Variants in PCDHGA5 observed in about 807,000 individuals in gnomAD.
PCDHGA5 encodes the protein protocadherin gamma-A5.
In PCDHGA5, 36 loss-of-function variants were observed where a neutral mutation model predicts 56.7. The ratio of observed to expected loss-of-function variants is 0.64; its 90% CI spans 0.49 to 0.84. The LOEUF (loss-of-function observed/expected upper bound fraction) is 0.84. PCDHGA5 is among the 40% of genes least tolerant of loss of function. PCDHGA5 has a pLI of 0.00. For missense variants in PCDHGA5, 1,305 were observed against 1,201.5 expected (o/e 1.09, Z -1.27); for synonymous variants, 563 against 520.2 (o/e 1.08, Z -1.12).
intron 1 of PCDHGA5, among the ~76,000 whole-genome samples, chr5:141,464,984 C>T (rs1345385418): frequency 1.3e-5 from 2 of 152,034 alleles, no homozygotes; most frequent in Non-Finnish European, 2.9e-5. Flanking sequence ...TCAAGTGATC[C>T]TCCCACCTCA....
At position 141,489,088 on chromosome 5, in the gene PCDHGA5, GAC is replaced by G; in HGVS notation, c.2422-5718_2422-5717del. 5.8e-6 allele frequency: 2 copies of G among 347,236 alleles called. No homozygotes were observed. The highest frequency in any genetic ancestry group is 4.7e-5 in the East Asian group (1 of 21,502). The allele number at this position is 347,236 out of a possible 1,614,324, so 21.5% of individuals were successfully genotyped here. A position where few individuals can be genotyped will look rare whatever the true frequency, so the allele number is the denominator to read the frequency against. ...CCCCTGCCCACCCCCGCCACTCGGT[GAC>G]TAAGAACTGCTGCAAGCAGGCAAAC... On this transcript the variant is annotated intron_variant, in intron 1 of 3. Transcript: ENST00000518069. The surrounding 1 kb of genome is among the most constrained non-coding windows in gnomAD (Gnocchi z 4.5).
intron 2 of PCDHGA5, among the ~76,000 whole-genome samples, chr5:141,502,253 T>C (rs1331834149): frequency 6.6e-6 from 1 of 152,232 alleles, no homozygotes; most frequent in South Asian, 2.1e-4. Context: ...TTTTTTTTAA[T>C]CCAGGATTTT....
intron 1 of PCDHGA5, among the ~76,000 whole-genome samples, chr5:141,438,252 G>A (rs1181991674): frequency 6.6e-6 from 1 of 152,072 alleles, no homozygotes. Context: ...AACTGTCATT[G>A]AAGAGACCAT....
At chr5:141,371,995 C>T in intron 1 of PCDHGA5, 2 of 1,613,264 alleles carry the variant, frequency 1.2e-6, no homozygotes, top group Non-Finnish European at 1.7e-6. Context: ...ACTCTGCAGG[C>T]CCGCGACCAG....
chr5:141,404,132 T>C, intron 1 of PCDHGA5: 1 of 1,613,136 alleles, frequency 6.2e-7, no homozygotes, highest in Non-Finnish European at 8.5e-7. Context: ...ATCTTTTACA[T>C]TAGAAAATTC....
At chr5:141,388,376 C>T in intron 1 of PCDHGA5, 3 of 1,613,944 alleles carry the variant, frequency 1.9e-6, no homozygotes, top group Non-Finnish European at 2.5e-6. Context: ...ATATTGGTAG[C>T]AACACACTGC....
intron 1 of PCDHGA5, chr5:141,374,870 G>T: frequency 6.2e-7 from 1 of 1,613,702 alleles, no homozygotes; most frequent in Non-Finnish European, 8.5e-7. Context: ...ACCAGTGTTG[G>T]CAGTGACTGC....
At position 141,431,213 on chromosome 5, in the gene PCDHGA5, T is replaced by A; in HGVS notation, c.2422-63594T>A. 6.2e-7 allele frequency: 1 copy of A among 1,614,142 alleles called. No individual in the cohort carries two copies. The highest frequency in any genetic ancestry group is 8.5e-7 in the Non-Finnish European group (1 of 1,180,038). On this transcript the variant is annotated intron_variant, in intron 1 of 3. Coordinates refer to ENST00000518069, the MANE Select transcript of PCDHGA5 (RefSeq NM_018918.3). The surrounding 1 kb of genome is among the most constrained non-coding windows in gnomAD (Gnocchi z 4.8). ...TGAAAATGCAGCCACTGAGATGCGG[T>A]TCCCTCTACCCCACGCCTGGGATCC...
In PCDHGA5 at chr5:141,476,651, T is replaced by C. The variant is rs1355056895; in HGVS notation, c.2422-18156T>C. On this transcript the variant is annotated intron_variant, in intron 1 of 3. Coordinates refer to ENST00000518069, the MANE Select transcript of PCDHGA5 (RefSeq NM_018918.3). This position sits in a 1 kb window ranked among gnomAD's most constrained non-coding sequence, Gnocchi z 7.6. ...AACCTATGAGCTGAGCCGAAATGAA[T>C]ACTTTGCGCTTCGCGTGCAGACGCG... is the stretch of plus-strand genomic sequence containing the variant. The C allele has an allele frequency of 3.7e-6, 6 of 1,614,118 alleles. No individual in the cohort carries two copies. Among genetic ancestry groups the C allele is most frequent in the Non-Finnish European group, 5.1e-6 (6 of 1,180,050 alleles).
chr5:141,376,643 A>T, intron 1 of PCDHGA5: 1 of 1,013,992 alleles, frequency 9.9e-7, no homozygotes, highest in Non-Finnish European at 1.4e-6. Context: ...GATTTTGTAA[A>T]GTGGAAGACT....
At chr5:141,499,272 GT>G (rs772636179) in intron 2 of PCDHGA5, among the ~76,000 whole-genome samples, 3 of 152,122 alleles carry the variant, frequency 2.0e-5, no homozygotes, top group Non-Finnish European at 4.4e-5. Flanking sequence ...TCCCTAGACT[GT>G]TCTCTGATGG....
chr5:141,470,842 CA>C (rs1300821457), intron 1 of PCDHGA5, among the ~76,000 whole-genome samples: 2 of 152,044 alleles, frequency 1.3e-5, no homozygotes, highest in African/African-American at 4.8e-5. Flanking sequence ...CACACGCCAC[CA>C]TGCTCAGATA....
intron 1 of PCDHGA5, among the ~76,000 whole-genome samples, chr5:141,437,926 T>C (rs1374182368): frequency 2.6e-5 from 4 of 152,058 alleles, no homozygotes; most frequent in Admixed American, 1.3e-4. Context: ...TTAGTAGAGA[T>C]GGGGTTTCAC....
chr5:141,365,341 A>T lies in PCDHGA5; in HGVS notation c.1011A>T (p.Val337=). The change falls in exon 1 of 4, where the codon GTA becomes GTT. Residue 337 remains valine (V), a synonymous_variant. Coordinates refer to ENST00000518069, the MANE Select transcript of PCDHGA5 (RefSeq NM_018918.3). ...CCAGCGCTAAGGTGGTGGTCACAGT[A>T]CAGGACGTGAATGACAATGCCCCCG... ...LVASAKVVVT[V]QDVNDNAPEV... is the part of the protein sequence containing the mutation. The T allele has an allele frequency of 6.2e-7, 1 of 1,613,960 alleles. No individual in the cohort carries two copies. Among genetic ancestry groups the T allele is most frequent in the African/African-American group, 1.3e-5 (1 of 75,038 alleles).
intron 1 of PCDHGA5, among the ~76,000 whole-genome samples, chr5:141,425,189 T>C (rs1042702500): frequency 2.6e-5 from 4 of 152,116 alleles, no homozygotes; most frequent in African/African-American, 7.2e-5. Flanking sequence ...AATTCCAAAC[T>C]GAGAAAAATG....
intron 1 of PCDHGA5, chr5:141,387,690 C>A: frequency 1.2e-6 from 1 of 833,028 alleles, no homozygotes; most frequent in Non-Finnish European, 1.8e-6. Context: ...AGCCGCAGCG[C>A]GCTTTCCAGG....
At chr5:141,382,988 G>A (rs958046112) in intron 1 of PCDHGA5, 1 of 1,613,208 alleles carries the variant, frequency 6.2e-7, no homozygotes, top group East Asian at 2.2e-5. Context: ...TGGGCAGGAC[G>A]TATTCTCTAC....
rs2099883782 is a variant in PCDHGA5 at position 141,511,420 on chromosome 5, G to C, written c.*247G>C. The C allele has an allele frequency of 1.2e-6, 1 of 830,744 alleles. No homozygotes were observed. The allele number at this position is 830,744 out of a possible 1,614,324, so 51.5% of individuals were successfully genotyped here. On this transcript the variant is annotated 3_prime_UTR_variant, in exon 4 of 4. Transcript: ENST00000518069. ...TCCAATCAACTGCTGTACCCATGGG[G>C]GTAGTGGGGTTACTGTAGACACCAA...
chr5:141,450,119 G>A (rs765403319), intron 1 of PCDHGA5, among the ~76,000 whole-genome samples: 2 of 148,920 alleles, frequency 1.3e-5, no homozygotes, highest in Non-Finnish European at 3.0e-5. Context: ...TGATTCTCCT[G>A]CCTTAGCCTC....
Sources: gnomAD v4.1 joint callset for allele counts (sites outside exome capture counted in the v4.1 genomes callset) on GRCh38, gnomAD v4.1.1 for gene constraint, Gnocchi (gnomAD v3.1) non-coding constraint, MANE v1.5 for transcripts, NCBI Gene and HGNC (gene_info 2026-07-23, HGNC 2026-07-21) for gene names.